ASB3: variants seen among roughly 807,000 people sequenced by gnomAD.
ASB3 encodes the protein ankyrin repeat and SOCS box protein 3.
In ASB3, 41 loss-of-function variants were observed where a neutral mutation model predicts 54.5. The ratio of observed to expected loss-of-function variants is 0.75; its 90% CI spans 0.59 to 0.98. ASB3 has a LOEUF of 0.98. Ranked by LOEUF, ASB3 falls within the 50% of genes least tolerant of loss-of-function variation. The pLI is 0.00. For synonymous variants in ASB3, 266 were observed against 221.2 expected, an observed-to-expected ratio of 1.20 and a Z score of -1.80; for missense variants, 733 against 620.0, an observed-to-expected ratio of 1.18 and a Z score of -1.94.
chr2:53,713,904 C>A (rs1670243195), intron 7 of ASB3, among the ~76,000 whole-genome samples: 1 of 151,732 alleles, frequency 6.6e-6, no homozygotes, highest in East Asian at 1.9e-4. Context: ...CAGAGTGAGA[C>A]CCTGTCTCAA....
At chr2:53,762,323 T>A (rs1399156088) in intron 2 of ASB3, among the ~76,000 whole-genome samples, 1 of 152,158 alleles carries the variant, frequency 6.6e-6, no homozygotes, top group East Asian at 1.9e-4. Flanking sequence ...ATGGAATATT[T>A]CTATCTAACA....
intron 9 of ASB3, among the ~76,000 whole-genome samples, chr2:53,674,938 A>C (rs1003429220): frequency 7.2e-5 from 11 of 152,208 alleles, no homozygotes; most frequent in African/African-American, 2.7e-4. Context: ...AATGACCAGT[A>C]GAGGCAATGA....
chr2:53,672,812 T>G (rs1667886696), intron 9 of ASB3, among the ~76,000 whole-genome samples: 1 of 152,178 alleles, frequency 6.6e-6, no homozygotes, highest in Admixed American at 6.5e-5. Context: ...TTTTACAGGT[T>G]TTTTTGCTTT....
At chr2:53,734,586 T>C (rs1671510173) in intron 3 of ASB3, among the ~76,000 whole-genome samples, 1 of 152,226 alleles carries the variant, frequency 6.6e-6, no homozygotes, top group South Asian at 2.1e-4. Context: ...TCCATGGACC[T>C]TTTAATCACT....
At chr2:53,740,606 T>C (rs1488543205) in intron 3 of ASB3, among the ~76,000 whole-genome samples, 2 of 152,240 alleles carry the variant, frequency 1.3e-5, no homozygotes, top group African/African-American at 2.4e-5. Flanking sequence ...AATTTCTTCA[T>C]GTCTGCCCAG....
intron 9 of ASB3, among the ~76,000 whole-genome samples, chr2:53,688,363 G>A (rs1269049548): frequency 6.6e-6 from 1 of 152,176 alleles, no homozygotes; most frequent in African/African-American, 2.4e-5. Context: ...TCAAACATGA[G>A]CTTTCAAATT....
At chr2:53,759,064 G>A (rs1558564435) in intron 2 of ASB3, among the ~76,000 whole-genome samples, 2 of 152,196 alleles carry the variant, frequency 1.3e-5, no homozygotes, top group Non-Finnish European at 2.9e-5. Context: ...ACAAAAGAGA[G>A]AAGTGCCACC....
intron 3 of ASB3, among the ~76,000 whole-genome samples, chr2:53,733,471 T>C (rs1206979688): frequency 6.6e-6 from 1 of 150,806 alleles, no homozygotes; most frequent in African/African-American, 2.4e-5. Flanking sequence ...AGATGGATTC[T>C]CACTCTGTCG....
chr2:53,729,359 T>C, intron 4 of ASB3, 99 bp downstream of exon 4: 1 of 1,174,722 alleles, frequency 8.5e-7, no homozygotes. Flanking sequence ...CCATCATAAA[T>C]CACAGGCAAG....
chr2:53,771,941 C>G (rs768976504), intron 1 of ASB3: 1 of 1,532,080 alleles, frequency 6.5e-7, no homozygotes, highest in South Asian at 1.2e-5. Flanking sequence ...GAAGATCCTG[C>G]GGTATGGTAT....
rs143674301 is a variant in ASB3 at position 53,697,751 on chromosome 2, C to T, written c.1238+2520G>A. On this transcript the variant is annotated intron_variant, in intron 8 of 9. Coordinates refer to ENST00000263634, the MANE Select transcript of ASB3 (RefSeq NM_016115.5). Reference sequence around the variant, plus strand: ...AAAATTCAAGAGGATTACCTTGAGACTCCAAGATAATCTTCCCTGACTCCA... The same window carrying T: ...AAAATTCAAGAGGATTACCTTGAGATTCCAAGATAATCTTCCCTGACTCCA... 2.8e-3 allele frequency among the ~76,000 whole-genome samples: 426 copies of T among 152,296 alleles called. 1 individual carries two copies. The highest frequency in any genetic ancestry group is 9.7e-3 in the African/African-American group (403 of 41,570).
chr2:53,779,612 T>C (rs905234776), intron 1 of ASB3, among the ~76,000 whole-genome samples: 1 of 152,090 alleles, frequency 6.6e-6, no homozygotes, highest in Non-Finnish European at 1.5e-5. Context: ...AATTTTTGCA[T>C]TTTTTGTAGA....
chr2:53,706,447 CT>C (rs869052245), intron 7 of ASB3, among the ~76,000 whole-genome samples: 72 of 145,304 alleles, frequency 5.0e-4, no homozygotes, highest in East Asian at 6.0e-4. Flanking sequence ...AAGGCAGCTT[CT>C]TTTTTTTTTT....
rs573734026 is a variant in ASB3 at position 53,711,413 on chromosome 2, AC to A, written c.980+2970del. 2.1e-3 allele frequency among the ~76,000 whole-genome samples: 327 copies of A among 152,296 alleles called. 1 individual carries two copies. Among genetic ancestry groups the A allele is most frequent in the Non-Finnish European group, 3.9e-3 (263 of 68,016 alleles). On this transcript the variant is annotated intron_variant, in intron 7 of 9. Transcript: ENST00000263634. ...ATTAAACAACTGGTCAATTAATGTTACTGACTGATATTAGCTGCTGGTGCCA... is the reference window on the plus strand; with the variant it reads ...ATTAAACAACTGGTCAATTAATGTTATGACTGATATTAGCTGCTGGTGCCA...
intron 3 of ASB3, among the ~76,000 whole-genome samples, chr2:53,749,379 G>C (rs913242204): frequency 1.3e-5 from 2 of 151,982 alleles, no homozygotes; most frequent in South Asian, 4.1e-4. Context: ...ATGCAAACCA[G>C]TAGAAAAAAA....
intron 5 of ASB3, among the ~76,000 whole-genome samples, chr2:53,722,533 A>G (rs753993338): frequency 8.5e-5 from 13 of 152,224 alleles, no homozygotes; most frequent in Non-Finnish European, 4.4e-5. Context: ...TATGCAAATG[A>G]ATAATTGGGA....
rs765405644 is a variant in ASB3 at position 53,716,518 on chromosome 2, T to A, written c.782+48A>T. The A allele has an allele frequency of 5.7e-6, 9 of 1,583,080 alleles. No individual in the cohort carries two copies. The South Asian group carries it at 1.0e-4, about 18-fold the overall frequency. ...GGTCTAGCCCAGATTTATTCTTTAT[T>A]AGCTTTTGATTAAGAGACCATGTTT... On this transcript the variant is annotated intron_variant, in intron 6 of 9. Coordinates refer to ENST00000263634, the MANE Select transcript of ASB3 (RefSeq NM_016115.5).
chr2:53,746,766 T>C (rs1672251097), intron 3 of ASB3, among the ~76,000 whole-genome samples: 1 of 152,102 alleles, frequency 6.6e-6, no homozygotes, highest in Non-Finnish European at 1.5e-5. Flanking sequence ...AAATGTGAGC[T>C]ACCACACCTG....
intron 3 of ASB3, among the ~76,000 whole-genome samples, chr2:53,738,251 C>T (rs987491152): frequency 6.6e-6 from 1 of 152,160 alleles, no homozygotes; most frequent in Non-Finnish European, 1.5e-5. Flanking sequence ...TTTGCTCCTT[C>T]GCCTTTTTAT....
Sources: gnomAD v4.1 joint callset for allele counts (sites outside exome capture counted in the v4.1 genomes callset) on GRCh38, gnomAD v4.1.1 for gene constraint, MANE v1.5 for transcripts, NCBI Gene and HGNC (gene_info 2026-07-23, HGNC 2026-07-21) for gene names.